Variants in KIF13B observed in about 807,000 individuals in gnomAD.
The protein encoded by KIF13B is kinesin family member 13B, also known as kinesin-like protein KIF13B.
KIF13B carries 127 observed loss-of-function variants against 222.0 expected under a neutral mutation model. The ratio of observed to expected loss-of-function variants is 0.57; its 90% CI spans 0.50 to 0.66. The LOEUF (loss-of-function observed/expected upper bound fraction) is 0.66. Ranked by LOEUF, KIF13B falls within the 30% of genes least tolerant of loss-of-function variation. The probability of loss-of-function intolerance (pLI) is 0.00; values close to 1 mark genes in which losing one functional copy is unlikely to be tolerated. For synonymous variants in KIF13B, 976 were observed against 919.0 expected, an observed-to-expected ratio of 1.06 and a Z score of -1.12; for missense variants, 2,173 against 2,379.0, an observed-to-expected ratio of 0.91 and a Z score of 1.80.
At chr8:29,213,878 C>A (rs1361368204) in intron 2 of KIF13B, among the ~76,000 whole-genome samples, 1 of 151,988 alleles carries the variant, frequency 6.6e-6, no homozygotes, top group Admixed American at 6.6e-5. Flanking sequence ...AGTTTGAATG[C>A]GGCAGGCGGA....
At chr8:29,161,035 GA>G (rs1435076353) in intron 12 of KIF13B, among the ~76,000 whole-genome samples, 168 bp from the exon 13 acceptor site, 3 of 152,052 alleles carry the variant, frequency 2.0e-5, no homozygotes, top group African/African-American at 4.8e-5. Context: ...CAAACTATAT[GA>G]TTTTTTTGTT....
chr8:29,088,006 G>A (rs980743722), intron 37 of KIF13B, among the ~76,000 whole-genome samples: 5 of 152,076 alleles, frequency 3.3e-5, no homozygotes, highest in Admixed American at 2.0e-4. Flanking sequence ...AGTGGTTCAC[G>A]CCTGTAATCC....
intron 11 of KIF13B, among the ~76,000 whole-genome samples, chr8:29,166,711 A>AG (rs1188039319): frequency 6.6e-6 from 1 of 151,742 alleles, no homozygotes; most frequent in Non-Finnish European, 1.5e-5. Context: ...CCTCAAAAAA[A>AG]AAAAAAAAAA....
intron 2 of KIF13B, among the ~76,000 whole-genome samples, chr8:29,198,016 C>T (rs573350765): frequency 6.6e-6 from 1 of 152,304 alleles, no homozygotes; most frequent in Admixed American, 6.5e-5. Context: ...TTGTCTTCGA[C>T]CATCTCTTTG....
At chr8:29,169,634 G>C (rs973389703) in intron 10 of KIF13B, among the ~76,000 whole-genome samples, 1 of 152,140 alleles carries the variant, frequency 6.6e-6, no homozygotes, top group Non-Finnish European at 1.5e-5. Flanking sequence ...TATGACATGG[G>C]AAGAACTATA....
chr8:29,123,401 A>G lies in KIF13B; in HGVS notation c.3444T>C (p.Ser1148=). ...TEERNAVMVP[S]AGSGIPGAPA... ...GGGCCCCTGGAATACCACTGCCAGC[A>G]GAGGGGACCATCACCGCGTTCCTCT... Residue 1148 remains serine (S), a synonymous_variant, in exon 28 of 40, where the codon TCT becomes TCC. Transcript: ENST00000524189. 6.2e-7 allele frequency: 1 copy of G among 1,614,064 alleles called. No homozygotes were observed. Among genetic ancestry groups the G allele is most frequent in the South Asian group, 1.1e-5 (1 of 91,088 alleles).
At chr8:29,167,259 A>G (rs1812043923) in intron 11 of KIF13B, 114 bp downstream of exon 11, 2 of 776,958 alleles carry the variant, frequency 2.6e-6, no homozygotes, top group South Asian at 1.8e-5. Flanking sequence ...GCTGTAAGAA[A>G]TTCGCAAATT....
intron 1 of KIF13B, among the ~76,000 whole-genome samples, chr8:29,246,857 T>C (rs992607246): frequency 8.5e-5 from 13 of 152,170 alleles, no homozygotes; most frequent in African/African-American, 3.1e-4. Flanking sequence ...GGAGAAAGAA[T>C]AGTCTTTTCA....
At chr8:29,196,613 CT>C (rs1813434020) in intron 2 of KIF13B, among the ~76,000 whole-genome samples, 1 of 152,154 alleles carries the variant, frequency 6.6e-6, no homozygotes, top group Non-Finnish European at 1.5e-5. Context: ...ACTCTCTTAT[CT>C]GTACAGGCTC....
intron 16 of KIF13B, 105 bp from the exon 17 acceptor site, chr8:29,147,707 T>A (rs1811121045): frequency 3.7e-6 from 3 of 809,948 alleles, no homozygotes; most frequent in African/African-American, 1.7e-5. Context: ...CTATACCACC[T>A]AATACTTTAA....
chr8:29,132,602 A>C (rs887657322), intron 22 of KIF13B, 137 bp from the exon 23 acceptor site: 17 of 498,076 alleles, frequency 3.4e-5, no homozygotes, highest in Non-Finnish European at 5.4e-5. Context: ...CAGAACTATC[A>C]TCTAAAACCC....
At chr8:29,187,795 C>T (rs1418628049) in intron 5 of KIF13B, among the ~76,000 whole-genome samples, 1 of 151,956 alleles carries the variant, frequency 6.6e-6, no homozygotes, top group African/African-American at 2.4e-5. Context: ...TCCTAAGTAC[C>T]AGGACTTCTG....
chr8:29,197,337 A>G, intron 2 of KIF13B, among the ~76,000 whole-genome samples: 1 of 21,176 alleles, frequency 4.7e-5, no homozygotes, highest in Non-Finnish European at 1.6e-4. Flanking sequence ...ACTCCGTCTC[A>G]AAAAAAAAAA....
rs1473122222 is a variant in KIF13B, at chr8:29,130,595, A to T, written c.3013T>A (p.Cys1005Ser). Reference protein sequence around the residue: ...ILEQNENGEYCPVEVISAKDV... With the variant: ...ILEQNENGEYSPVEVISAKDV... ...TTTGCAGAAATCACTTCTACAGGGC[A>T]GTATTCACCATTCTCATTCTGTTCC... Residue 1005 changes from cysteine to serine, a missense_variant, in exon 24 of 40, where the codon TGC (cysteine) becomes AGC (serine). Transcript: ENST00000524189. The T allele has an allele frequency of 6.2e-7, 1 of 1,613,616 alleles. No individual in the cohort carries two copies. The highest frequency in any genetic ancestry group is 1.1e-5 in the South Asian group (1 of 91,086).
At chr8:29,121,949 T>C (rs1289325142) in intron 29 of KIF13B, among the ~76,000 whole-genome samples, 1 of 152,070 alleles carries the variant, frequency 6.6e-6, no homozygotes, top group Non-Finnish European at 1.5e-5. Flanking sequence ...CAGAGAGAAG[T>C]CTTTCCCCAA....
intron 2 of KIF13B, among the ~76,000 whole-genome samples, chr8:29,211,234 G>C (rs1468879064): frequency 6.6e-6 from 1 of 152,232 alleles, no homozygotes; most frequent in Non-Finnish European, 1.5e-5. Context: ...ATCAGACAAG[G>C]CATTTACCAT....
upstream of KIF13B, chr8:29,263,111 AG>A (rs1360738792): frequency 9.8e-5 from 60 of 611,740 alleles, no homozygotes; most frequent in Non-Finnish European, 1.4e-4. Context: ...ACCCGGCGGG[AG>A]GGGGCCGGGG....
chr8:29,198,439 A>T (rs1284658756), intron 2 of KIF13B, among the ~76,000 whole-genome samples: 1 of 152,172 alleles, frequency 6.6e-6, no homozygotes, highest in Non-Finnish European at 1.5e-5. Flanking sequence ...CTCCAGGCTC[A>T]ACCTCCTGAG....
At chr8:29,107,368 A>C (rs1809121865) in intron 35 of KIF13B, among the ~76,000 whole-genome samples, 1 of 151,898 alleles carries the variant, frequency 6.6e-6, no homozygotes, top group Non-Finnish European at 1.5e-5. Context: ...TCTCTAGTAA[A>C]AACATAAAAA....
Sources: allele counts gnomAD v4.1 joint callset (sites outside exome capture counted in the v4.1 genomes callset), GRCh38; gene constraint gnomAD v4.1.1; transcripts MANE v1.5; gene names NCBI Gene and HGNC (gene_info 2026-07-23, HGNC 2026-07-21).